The following RIT2 variants were observed in gnomAD, a reference collection of about 807,000 sequenced individuals.
RIT2 encodes the protein Ras like without CAAX 2.
Under a neutral mutation model 23.7 loss-of-function variants are expected in RIT2, and 24 were observed. The observed-to-expected ratio is 1.01, with a 90% CI of 0.73 to 1.43. The LOEUF (loss-of-function observed/expected upper bound fraction) is 1.43, where lower values mean the gene tolerates loss of function less well. Ranked by LOEUF, RIT2 falls within the 40% of genes most tolerant of loss-of-function variation. The pLI is 0.00. For synonymous variants in RIT2, 107 were observed against 91.1 expected, an observed-to-expected ratio of 1.17 and a Z score of -0.99; for missense variants, 236 against 266.9, an observed-to-expected ratio of 0.88 and a Z score of 0.81.
intron 4 of RIT2, among the ~76,000 whole-genome samples, chr18:42,903,030 G>A (rs1011738464): frequency 8.6e-5 from 13 of 151,692 alleles, no homozygotes; most frequent in African/African-American, 3.1e-4. Flanking sequence ...CAAAAAGATC[G>A]AGGAGGCATA....
intron 1 of RIT2, among the ~76,000 whole-genome samples, chr18:43,055,496 A>G (rs1912480155): frequency 6.6e-6 from 1 of 152,128 alleles, no homozygotes; most frequent in African/African-American, 2.4e-5. Context: ...GAGGGTGCCC[A>G]TGATATCCTT....
chr18:42,972,887 C>A (rs1014553296), intron 3 of RIT2, among the ~76,000 whole-genome samples: 2 of 151,812 alleles, frequency 1.3e-5, no homozygotes, highest in Non-Finnish European at 2.9e-5. Flanking sequence ...TACAACTATA[C>A]AGCCTTTTAA....
intron 4 of RIT2, among the ~76,000 whole-genome samples, chr18:42,760,674 T>C (rs2143899059): frequency 6.6e-6 from 1 of 152,324 alleles, no homozygotes; most frequent in African/African-American, 2.4e-5. Flanking sequence ...TTGAATTACA[T>C]ATATGCTCTA....
chr18:42,771,049 A>G (rs1913540160), intron 4 of RIT2, among the ~76,000 whole-genome samples: 1 of 152,042 alleles, frequency 6.6e-6, no homozygotes, highest in Non-Finnish European at 1.5e-5. Flanking sequence ...TATGATTCCC[A>G]CTCATTTACA....
chr18:42,966,044 CCA>C (rs1258845504), intron 3 of RIT2, among the ~76,000 whole-genome samples: 2 of 151,954 alleles, frequency 1.3e-5, no homozygotes, highest in African/African-American at 4.8e-5. Flanking sequence ...CTTCTGAGCC[CCA>C]GTGTCTTTAT....
At chr18:42,911,034 A>C (rs1908756528) in intron 4 of RIT2, among the ~76,000 whole-genome samples, 1 of 152,102 alleles carries the variant, frequency 6.6e-6, no homozygotes, top group African/African-American at 2.4e-5. Flanking sequence ...AGACTATATC[A>C]TGGTAATAAA....
chr18:42,892,922 T>C (rs1319600687), intron 4 of RIT2, among the ~76,000 whole-genome samples: 1 of 152,194 alleles, frequency 6.6e-6, no homozygotes, highest in Non-Finnish European at 1.5e-5. Context: ...TAATTGTCTC[T>C]GTTATTACCT....
At chr18:42,935,199 A>T (rs551227243) in intron 3 of RIT2, among the ~76,000 whole-genome samples, 4 of 152,046 alleles carry the variant, frequency 2.6e-5, no homozygotes, top group Non-Finnish European at 5.9e-5. Context: ...AGGAAGATAC[A>T]AGGTCTAACT....
chr18:42,889,288 C>T (rs887541779), intron 4 of RIT2, among the ~76,000 whole-genome samples: 2 of 151,962 alleles, frequency 1.3e-5, no homozygotes, highest in Admixed American at 6.6e-5. Context: ...CTTAGTGTAT[C>T]CATCAACATA....
chr18:42,954,626 G>A (rs1435546113), intron 3 of RIT2, among the ~76,000 whole-genome samples: 1 of 151,824 alleles, frequency 6.6e-6, no homozygotes, highest in East Asian at 1.9e-4. Context: ...TCTCCTACTT[G>A]CTTGAAGCTG....
chr18:42,795,133 C>T (rs1914128241), intron 4 of RIT2, among the ~76,000 whole-genome samples: 3 of 152,226 alleles, frequency 2.0e-5, no homozygotes. Flanking sequence ...TCTGCCTGGG[C>T]TCCCACTTTG....
chr18:42,748,244 A>G (rs911407162), intron 4 of RIT2, among the ~76,000 whole-genome samples: 1 of 152,056 alleles, frequency 6.6e-6, no homozygotes, highest in African/African-American at 2.4e-5. Flanking sequence ...TCCGCAAGAA[A>G]AAAACAAACA....
intron 2 of RIT2, among the ~76,000 whole-genome samples, chr18:43,001,923 G>A (rs1598744405): frequency 6.6e-6 from 1 of 152,092 alleles, no homozygotes; most frequent in East Asian, 2.0e-4. Flanking sequence ...TGAAATTCCA[G>A]AACTTTACTG....
intron 4 of RIT2, among the ~76,000 whole-genome samples, chr18:42,778,600 C>CACAGCACCAGGTCCCCTG (rs973392527): frequency 1.2e-4 from 18 of 152,056 alleles, no homozygotes; most frequent in Non-Finnish European, 2.6e-4. Context: ...TTCTATTGTT[C>CACAGCACCAGGTCCCCTG]ACAGCACCAG....
intron 4 of RIT2, among the ~76,000 whole-genome samples, chr18:42,844,522 C>T (rs1050647802): frequency 2.0e-5 from 3 of 152,046 alleles, no homozygotes; most frequent in Non-Finnish European, 4.4e-5. Flanking sequence ...GAACTCTGGC[C>T]AGGTCCTTCA....
At chr18:42,882,985 G>A (rs75351356) in intron 4 of RIT2, among the ~76,000 whole-genome samples, 19,785 of 152,062 alleles carry the variant, frequency 0.13, 1,328 homozygotes, top group Middle Eastern at 0.26. Flanking sequence ...TATATTATAT[G>A]TTTATATTAA....
intron 2 of RIT2, among the ~76,000 whole-genome samples, chr18:43,000,491 C>T (rs1283033909): frequency 6.6e-6 from 1 of 151,970 alleles, no homozygotes; most frequent in Non-Finnish European, 1.5e-5. Flanking sequence ...AAGAGATTTA[C>T]ATTCAAAATA....
chr18:42,813,851 C>G (rs1905918825), intron 4 of RIT2, among the ~76,000 whole-genome samples: 1 of 152,180 alleles, frequency 6.6e-6, no homozygotes, highest in African/African-American at 2.4e-5. Context: ...CTGAAGGAAG[C>G]AGATTGCTCC....
intron 2 of RIT2, among the ~76,000 whole-genome samples, chr18:43,005,910 C>T (rs778980913): frequency 2.0e-5 from 3 of 151,724 alleles, no homozygotes; most frequent in East Asian, 2.0e-4. Flanking sequence ...GGGATTTACA[C>T]ACTGCAATAG....
Sources: allele counts gnomAD v4.1 joint callset (sites outside exome capture counted in the v4.1 genomes callset), GRCh38; gene constraint gnomAD v4.1.1; transcripts MANE v1.5; gene names NCBI Gene and HGNC (gene_info 2026-07-23, HGNC 2026-07-21).